Variants in PACRG observed in about 807,000 individuals in gnomAD.
PACRG encodes parkin coregulated gene protein.
PACRG carries 29 observed loss-of-function variants against 29.7 expected under a neutral mutation model. That is an observed-to-expected ratio of 0.98 (90% CI 0.73 to 1.33). The LOEUF is 1.33. PACRG is among the 40% of genes most tolerant of loss of function. PACRG has a pLI of 0.00. For synonymous variants in PACRG, 116 were observed against 118.7 expected, an observed-to-expected ratio of 0.98 and a Z score of 0.15; for missense variants, 279 against 316.2, an observed-to-expected ratio of 0.88 and a Z score of 0.89.
intron 4 of PACRG, chr6:163,245,291 C>G (rs1782650045): frequency 4.4e-6 from 1 of 227,494 alleles, no homozygotes; most frequent in Non-Finnish European, 8.9e-6. Context: ...TGGAAACTAT[C>G]GATTCTATAA....
At position 163,270,250 on chromosome 6, in the gene PACRG, G is replaced by C. The variant is rs1534939; in HGVS notation, c.614-44577G>C. 1.7e-3 allele frequency among the ~76,000 whole-genome samples: 256 copies of C among 151,970 alleles called. 1 individual carries two copies. Among genetic ancestry groups the C allele is most frequent in the Middle Eastern group, 6.8e-3 (2 of 294 alleles). On this transcript the variant is annotated intron_variant, in intron 4 of 4. Transcript: ENST00000366888. ...GATCATCTCATAGGAGGTCTAGGTCGGCAGGCTAACCCCCTGGGGAAAAAT... is the reference window on the plus strand; with the variant it reads ...GATCATCTCATAGGAGGTCTAGGTCCGCAGGCTAACCCCCTGGGGAAAAAT...
At position 163,079,693 on chromosome 6, in the gene PACRG, G is replaced by A. The variant is rs192018059; in HGVS notation, c.464-9566G>A. Among the ~76,000 whole-genome samples, 435 of 152,132 alleles carry A rather than the reference G, an allele frequency of 2.9e-3. 2 individuals carry two copies. Among genetic ancestry groups the A allele is most frequent in the Non-Finnish European group, 4.5e-3 (307 of 68,004 alleles). ...ACAGCAGTTATTGATGTCAGGCTTA[G>A]CAGTGTGTAGTTTTCAAACTCCTTC... On this transcript the variant is annotated intron_variant, in intron 3 of 4. Coordinates refer to ENST00000366888, the MANE Select transcript of PACRG (RefSeq NM_001080379.2).
At chr6:162,995,452 T>A (rs1803922538) in intron 2 of PACRG, among the ~76,000 whole-genome samples, 1 of 152,006 alleles carries the variant, frequency 6.6e-6, no homozygotes, top group Admixed American at 6.6e-5. Flanking sequence ...GGTGCGCCGT[T>A]TTTTAAGCCG....
At chr6:163,001,308 G>A (rs1230170847) in intron 2 of PACRG, among the ~76,000 whole-genome samples, 2 of 152,206 alleles carry the variant, frequency 1.3e-5, no homozygotes, top group East Asian at 3.8e-4. Context: ...TGGTGCTACT[G>A]GCCACGGGGA....
At chr6:163,063,660 A>ATCTT (rs1348355834) in intron 3 of PACRG, among the ~76,000 whole-genome samples, 1 of 152,158 alleles carries the variant, frequency 6.6e-6, no homozygotes, top group Non-Finnish European at 1.5e-5. Flanking sequence ...TCTCCCTCAG[A>ATCTT]TCTTTGAGGT....
intron 4 of PACRG, among the ~76,000 whole-genome samples, chr6:163,240,039 C>G (rs1782427112): frequency 6.6e-6 from 1 of 150,416 alleles, no homozygotes; most frequent in African/African-American, 2.4e-5. Flanking sequence ...CTCACCCCTA[C>G]TTCTACAGAC....
At chr6:162,985,821 A>G (rs925104192) in intron 2 of PACRG, among the ~76,000 whole-genome samples, 6 of 152,124 alleles carry the variant, frequency 3.9e-5, no homozygotes, top group African/African-American at 1.2e-4. Flanking sequence ...AGACTCATCC[A>G]TAAAGCTCCT....
chr6:163,036,422 C>T (rs1282526810), intron 2 of PACRG, among the ~76,000 whole-genome samples: 3 of 152,152 alleles, frequency 2.0e-5, no homozygotes, highest in Admixed American at 6.5e-5. Flanking sequence ...GAGGCCAGAT[C>T]TAATAAAACT....
chr6:163,025,376 A>T (rs1807028711), intron 2 of PACRG, among the ~76,000 whole-genome samples: 1 of 152,218 alleles, frequency 6.6e-6, no homozygotes, highest in Non-Finnish European at 1.5e-5. Flanking sequence ...TTGATAAACA[A>T]CTTTAGTAAA....
intron 4 of PACRG, among the ~76,000 whole-genome samples, chr6:163,132,926 G>A (rs528351812): frequency 9.8e-4 from 150 of 152,322 alleles, no homozygotes; most frequent in African/African-American, 3.6e-3. Context: ...GGGAATTAGG[G>A]AGAGTAATTT....
At position 162,785,755 on chromosome 6, in the gene PACRG, G is replaced by A. The variant is rs190323637; in HGVS notation, c.157-28392G>A. On this transcript the variant is annotated intron_variant, in intron 1 of 4. Coordinates refer to ENST00000366888, the MANE Select transcript of PACRG (RefSeq NM_001080379.2). ...TACCACTGATCTAACAGGAGGCGGA[G>A]CTCAGGCGGTAATGCTGGCTTGCCC... Among the ~76,000 whole-genome samples the A allele has an allele frequency of 6.7e-4, 102 of 152,360 alleles. No homozygotes were observed. In the East Asian group the frequency reaches 0.01, roughly 15 times the overall value.
intron 1 of PACRG, among the ~76,000 whole-genome samples, chr6:162,749,767 G>C (rs746875203): frequency 2.6e-5 from 4 of 152,058 alleles, no homozygotes; most frequent in Non-Finnish European, 5.9e-5. Context: ...TGATCTGCCC[G>C]CCTCGGCCTC....
At chr6:162,960,281 A>C (rs946100802) in intron 2 of PACRG, among the ~76,000 whole-genome samples, 1 of 152,254 alleles carries the variant, frequency 6.6e-6, no homozygotes, top group Non-Finnish European at 1.5e-5. Flanking sequence ...AAAATAGATT[A>C]TTATAACAAA....
chr6:162,877,812 A>G (rs903069640), intron 2 of PACRG, among the ~76,000 whole-genome samples: 16 of 152,152 alleles, frequency 1.1e-4, no homozygotes, highest in African/African-American at 3.6e-4. Context: ...CAATATGCCT[A>G]TAACATATCA....
intron 4 of PACRG, among the ~76,000 whole-genome samples, chr6:163,235,675 T>C (rs890959108): frequency 2.0e-5 from 3 of 152,212 alleles, no homozygotes; most frequent in Non-Finnish European, 4.4e-5. Flanking sequence ...CACTTCCTCT[T>C]ATACATTTCT....
intron 2 of PACRG, among the ~76,000 whole-genome samples, chr6:163,019,646 G>A (rs1806426359): frequency 6.6e-6 from 1 of 152,134 alleles, no homozygotes; most frequent in Non-Finnish European, 1.5e-5. Flanking sequence ...GCTGCCTCTA[G>A]CACCGTTGCT....
At chr6:163,179,392 ATT>A (rs1779541199) in intron 4 of PACRG, 1 of 185,970 alleles carries the variant, frequency 5.4e-6, no homozygotes, top group African/African-American at 4.3e-5. Flanking sequence ...TGTTCTTTAA[ATT>A]AAAAAAAAAA....
chr6:162,936,040 G>T (rs950671191), intron 2 of PACRG, among the ~76,000 whole-genome samples: 1 of 152,136 alleles, frequency 6.6e-6, no homozygotes, highest in Non-Finnish European at 1.5e-5. Flanking sequence ...AGCTCCACAT[G>T]CCTAGGAAAG....
chr6:162,852,584 G>A (rs1264566745), intron 2 of PACRG, among the ~76,000 whole-genome samples: 3 of 152,220 alleles, frequency 2.0e-5, no homozygotes, highest in Admixed American at 6.5e-5. Flanking sequence ...GTAACATTTT[G>A]TATGAAATTC....
Sources: allele counts gnomAD v4.1 joint callset (sites outside exome capture counted in the v4.1 genomes callset), GRCh38; gene constraint gnomAD v4.1.1; transcripts MANE v1.5; gene names NCBI Gene and HGNC (gene_info 2026-07-23, HGNC 2026-07-21).